Variants in XPO1 observed in about 807,000 individuals in gnomAD.
The protein encoded by XPO1 is exportin-1.
Under a neutral mutation model 133.3 loss-of-function variants are expected in XPO1, and 5 were observed. That is an observed-to-expected ratio of 0.04 (90% CI 0.02 to 0.08). The LOEUF is 0.08. Ranked by LOEUF, XPO1 falls within the 10% of genes least tolerant of loss-of-function variation. XPO1 has a pLI of 1.00. For synonymous variants in XPO1, 419 were observed against 408.2 expected, an observed-to-expected ratio of 1.03 and a Z score of -0.32; for missense variants, 506 against 1,267.5, an observed-to-expected ratio of 0.40 and a Z score of 9.12.
rs376728433 is a variant in XPO1, at chr2:61,488,804, T to C, written c.2023-33A>G. 4 of 1,607,168 alleles carry C rather than the reference T, an allele frequency of 2.5e-6. No homozygotes were observed. In the African/African-American group the frequency reaches 5.4e-5, roughly 22 times the overall value. ...GAAAAAAAGCAAATTCCATTTATCA[T>C]ATAAGAATTATCCACGGCTGGGAAC... On this transcript the variant is annotated intron_variant, in intron 17 of 24. Transcript: ENST00000401558.
intron 9 of XPO1, among the ~76,000 whole-genome samples, chr2:61,497,632 G>A (rs988089290): frequency 6.6e-6 from 1 of 152,116 alleles, no homozygotes; most frequent in Non-Finnish European, 1.5e-5. Context: ...CCTAAAACTT[G>A]TGATTGCTTA....
intron 23 of XPO1, 43 bp downstream of exon 23, chr2:61,482,337 G>A: frequency 1.9e-6 from 3 of 1,538,808 alleles, no homozygotes; most frequent in Non-Finnish European, 8.8e-7. Flanking sequence ...GAGCCACTGT[G>A]CCCGACCAGG....
chr2:61,520,874 G>A (rs977721550), intron 4 of XPO1, among the ~76,000 whole-genome samples: 10 of 152,104 alleles, frequency 6.6e-5, no homozygotes, highest in South Asian at 2.1e-4. Flanking sequence ...TTCTTGGTAC[G>A]GCAGACCATG....
intron 2 of XPO1, among the ~76,000 whole-genome samples, chr2:61,527,898 G>A (rs904945142): frequency 6.6e-6 from 1 of 151,186 alleles, no homozygotes; most frequent in Non-Finnish European, 1.5e-5. Context: ...CCTTTCCCTA[G>A]TGCCATTTCC....
intron 2 of XPO1, 104 bp from the exon 3 acceptor site, chr2:61,526,625 G>T: frequency 2.6e-6 from 2 of 783,474 alleles, no homozygotes; most frequent in South Asian, 2.9e-5. Flanking sequence ...ATTGGACAGA[G>T]ATTCTATTAT....
At chr2:61,503,003 TCA>T (rs1216677946) in intron 4 of XPO1, among the ~76,000 whole-genome samples, 2 of 150,020 alleles carry the variant, frequency 1.3e-5, no homozygotes, top group African/African-American at 4.9e-5. Flanking sequence ...TCCTGTTATG[TCA>T]CACACACTGG....
chr2:61,534,268 T>C (rs1372529191), intron 1 of XPO1: 1 of 158,172 alleles, frequency 6.3e-6, no homozygotes, highest in Non-Finnish European at 1.4e-5. Flanking sequence ...GTCAAAACTT[T>C]TTAAGCAAGT....
At chr2:61,481,372 G>A in intron 23 of XPO1, 91 bp from the exon 24 acceptor site, 1 of 856,862 alleles carries the variant, frequency 1.2e-6, no homozygotes. Flanking sequence ...ACAGTGGCAT[G>A]ATCTCTGCTC....
chr2:61,495,473 G>C lies in XPO1; in HGVS notation c.1029C>G (p.Leu343=), dbSNP rs1195293350. 2 of 1,561,722 alleles carry C rather than the reference G, an allele frequency of 1.3e-6. No homozygotes were observed. Among genetic ancestry groups the C allele is most frequent in the Non-Finnish European group, 1.7e-6 (2 of 1,149,410 alleles). ...HDQLIEKRLN[L]RETLMEALHY... is the part of the protein sequence containing the mutation. ...ATCTTACCTCCATAAGAGTTTCCCT[G>C]AGATTTAATCTTTTTTCTATAAGTT... is the stretch of plus-strand genomic sequence containing the variant. The change falls in exon 11 of 25, where the codon CTC becomes CTG. Residue 343 remains leucine, a synonymous_variant. Coordinates refer to ENST00000401558, the MANE Select transcript of XPO1 (RefSeq NM_003400.4).
intron 12 of XPO1, 197 bp from the exon 13 acceptor site, chr2:61,493,250 G>C (rs1697079239): frequency 2.2e-6 from 1 of 456,092 alleles, no homozygotes; most frequent in East Asian, 3.5e-5. Context: ...AGAGCAGCTT[G>C]AGCAACACAA....
In XPO1 at chr2:61,528,161, G is replaced by A. The variant is rs546447299; in HGVS notation, c.127-1640C>T. Among the ~76,000 whole-genome samples the A allele has an allele frequency of 5.3e-5, 8 of 151,550 alleles. No individual in the cohort carries two copies. The East Asian group carries it at 5.9e-4, about 11-fold the overall frequency. ...AGGCTGGTCTTGAACTCCTGACCTC[G>A]TGACCCGCCTGCCTCAGCCTCCCCA... On this transcript the variant is annotated intron_variant, in intron 2 of 24. Transcript: ENST00000401558.
chr2:61,516,082 C>T (rs761125695), intron 4 of XPO1, among the ~76,000 whole-genome samples: 2 of 151,234 alleles, frequency 1.3e-5, no homozygotes, highest in African/African-American at 2.4e-5. Flanking sequence ...CCCAAGATCT[C>T]GCCACTACAC....
chr2:61,526,378 GAAGAA>G, intron 3 of XPO1, 37 bp downstream of exon 3: 1 of 1,584,494 alleles, frequency 6.3e-7, no homozygotes, highest in Non-Finnish European at 8.5e-7. Flanking sequence ...TTTATGACTG[GAAGAA>G]AAGAAATAAC....
In XPO1 at chr2:61,478,901, A is replaced by G. The variant is rs749378477; in HGVS notation, c.3135T>C (p.Ala1045=). The G allele has an allele frequency of 6.2e-7, 1 of 1,614,198 alleles. No homozygotes were observed. The highest frequency in any genetic ancestry group is 8.5e-7 in the Non-Finnish European group (1 of 1,180,040). The change falls in exon 25 of 25, where the codon GCT becomes GCC. Residue 1045 remains alanine, a synonymous_variant. Coordinates refer to ENST00000401558, the MANE Select transcript of XPO1 (RefSeq NM_003400.4). ...LEEREIALRQ[A]DEEKHKRQMS... Reference sequence around the variant, plus strand: ...TTTGACGTTTATGTTTCTCTTCATCAGCCTGCCGTAGGGCTATTTCTCTCT... The same window carrying G: ...TTTGACGTTTATGTTTCTCTTCATCGGCCTGCCGTAGGGCTATTTCTCTCT...
intron 4 of XPO1, among the ~76,000 whole-genome samples, chr2:61,517,918 G>C (rs1301219005): frequency 6.6e-6 from 1 of 152,160 alleles, no homozygotes. Flanking sequence ...CCTGAAGTCA[G>C]GAGTTCGAGA....
intron 1 of XPO1, among the ~76,000 whole-genome samples, chr2:61,535,454 C>T (rs1264535620): frequency 1.3e-5 from 2 of 152,182 alleles, no homozygotes; most frequent in East Asian, 1.9e-4. Context: ...AAATGAGTAG[C>T]TAATTTCTTT....
intron 24 of XPO1, among the ~76,000 whole-genome samples, chr2:61,480,039 ATT>A (rs1157868985): frequency 6.6e-6 from 1 of 151,586 alleles, no homozygotes; most frequent in Non-Finnish European, 1.5e-5. Context: ...TAATTTTTGT[ATT>A]TTTAGTAGAG....
intron 2 of XPO1, 64 bp from the exon 3 acceptor site, chr2:61,526,585 T>C: frequency 2.4e-6 from 3 of 1,249,078 alleles, no homozygotes; most frequent in South Asian, 3.5e-5. Context: ...TTCATTAAAA[T>C]GAAAACTACT....
At chr2:61,515,942 CACACACACACA>C (rs1698364284) in intron 4 of XPO1, among the ~76,000 whole-genome samples, 3 of 48,572 alleles carry the variant, frequency 6.2e-5, no homozygotes, top group Non-Finnish European at 1.1e-4. Context: ...AAAAACCACA[CACACACACACA>C]CACACACACA....
Sources: allele counts gnomAD v4.1 joint callset (sites outside exome capture counted in the v4.1 genomes callset), GRCh38; gene constraint gnomAD v4.1.1; transcripts MANE v1.5; gene names NCBI Gene and HGNC (gene_info 2026-07-23, HGNC 2026-07-21).